The following IGF1R variants were observed in gnomAD, a reference collection of about 807,000 sequenced individuals.
IGF1R encodes the protein insulin-like growth factor 1 receptor.
A neutral mutation model predicts 144.6 loss-of-function variants in IGF1R; 44 were observed. The ratio of observed to expected loss-of-function variants is 0.30; its 90% CI spans 0.24 to 0.39. IGF1R has a LOEUF of 0.39. IGF1R is among the 10% of genes least tolerant of loss of function. The pLI is 1.00. For missense variants in IGF1R, 1,355 were observed against 1,833.7 expected, an observed-to-expected ratio of 0.74 and a Z score of 4.77; for synonymous variants, 795 against 722.8, an observed-to-expected ratio of 1.10 and a Z score of -1.60.
chr15:98,743,619 ACATGGGGCCC>A (rs950613027), intron 2 of IGF1R, among the ~76,000 whole-genome samples: 41 of 152,356 alleles, frequency 2.7e-4, no homozygotes, highest in African/African-American at 9.4e-4. Context: ...GAGGCGGGCC[ACATGGGGCCC>A]CAGAAGCCAT....
At chr15:98,759,995 G>A (rs2055252506) in intron 2 of IGF1R, among the ~76,000 whole-genome samples, 1 of 152,146 alleles carries the variant, frequency 6.6e-6, no homozygotes, top group African/African-American at 2.4e-5. Context: ...CTTGGTTATT[G>A]TGTGAGAACA....
chr15:98,675,491 G>A (rs1483164809), intron 1 of IGF1R, among the ~76,000 whole-genome samples: 1 of 152,168 alleles, frequency 6.6e-6, no homozygotes, highest in Non-Finnish European at 1.5e-5. Flanking sequence ...CAGAAGCAGT[G>A]TCTGTCATCC....
chr15:98,811,850 C>G (rs558958347), intron 2 of IGF1R, among the ~76,000 whole-genome samples: 2 of 152,138 alleles, frequency 1.3e-5, no homozygotes, highest in African/African-American at 4.8e-5. Context: ...GGCATGAGCC[C>G]GGGAGGCGGA....
At chr15:98,809,189 C>T (rs142070062) in intron 2 of IGF1R, among the ~76,000 whole-genome samples, 4 of 152,218 alleles carry the variant, frequency 2.6e-5, no homozygotes, top group African/African-American at 9.6e-5. Context: ...CTGACTCTTT[C>T]CTGCATGTAC....
intron 5 of IGF1R, among the ~76,000 whole-genome samples, chr15:98,902,140 T>C (rs992749207): frequency 2.0e-5 from 3 of 151,772 alleles, no homozygotes; most frequent in African/African-American, 4.8e-5. Flanking sequence ...AGGGGTGGAG[T>C]TGAGAAATCC....
At chr15:98,872,694 C>T (rs1448837805) in intron 2 of IGF1R, among the ~76,000 whole-genome samples, 1 of 152,170 alleles carries the variant, frequency 6.6e-6, no homozygotes, top group Admixed American at 6.5e-5. Flanking sequence ...CAATAAATGA[C>T]AAAGCTGGGA....
At chr15:98,807,609 C>G (rs944263505) in intron 2 of IGF1R, among the ~76,000 whole-genome samples, 2 of 152,232 alleles carry the variant, frequency 1.3e-5, no homozygotes, top group African/African-American at 4.8e-5. Context: ...ACTCATGCCT[C>G]TGTTTCACTC....
chr15:98,875,063 A>G (rs747864120), intron 2 of IGF1R, among the ~76,000 whole-genome samples: 121 of 152,256 alleles, frequency 7.9e-4, no homozygotes, highest in Non-Finnish European at 1.5e-3. Context: ...ATCCTCAGGG[A>G]TGTTGCACAC....
chr15:98,687,601 G>A lies in IGF1R; in HGVS notation c.95-19961G>A, dbSNP rs147755618. On this transcript the variant is annotated intron_variant, in intron 1 of 20. Transcript: ENST00000650285. ...GTCAGGTTTGTGGTTTGGAAAGTCC[G>A]CCTTGGTAGTAGGGTGGAGGGTGCA... 8.0e-3 allele frequency among the ~76,000 whole-genome samples: 1,218 copies of A among 152,224 alleles called. 18 individuals are homozygous for A. The highest frequency in any genetic ancestry group is 0.01 in the Non-Finnish European group (692 of 68,014).
At position 98,900,207 on chromosome 15, in the gene IGF1R, C is replaced by T. The variant is rs537446238; in HGVS notation, c.1247+586C>T. Among the ~76,000 whole-genome samples, 469 of 152,304 alleles carry T rather than the reference C, an allele frequency of 3.1e-3. 2 individuals carry two copies. The highest frequency in any genetic ancestry group is 5.1e-3 in the Non-Finnish European group (348 of 68,034). ...TTTGTGATAGGGGTTTTAAAATAAC[C>T]GTGGGCTTTTCACTGGAGGATAAAA... On this transcript the variant is annotated intron_variant, in intron 5 of 20. Transcript: ENST00000650285.
At chr15:98,836,114 G>A (rs2057095144) in intron 2 of IGF1R, among the ~76,000 whole-genome samples, 1 of 152,120 alleles carries the variant, frequency 6.6e-6, no homozygotes, top group Non-Finnish European at 1.5e-5. Flanking sequence ...AATCCGCAGA[G>A]CTAGAGCCCA....
At chr15:98,731,633 T>C (rs1304601019) in intron 2 of IGF1R, among the ~76,000 whole-genome samples, 1 of 152,226 alleles carries the variant, frequency 6.6e-6, no homozygotes, top group Non-Finnish European at 1.5e-5. Flanking sequence ...CCCATTTCCC[T>C]GAATGTCGTG....
chr15:98,696,944 G>C (rs534091525), intron 1 of IGF1R, among the ~76,000 whole-genome samples: 48 of 152,222 alleles, frequency 3.2e-4, no homozygotes, highest in Admixed American at 1.3e-3. Flanking sequence ...ATGCCTCAGT[G>C]AAGAAGTCAG....
intron 8 of IGF1R, 70 bp downstream of exon 8, chr15:98,913,352 G>A (rs2015107663): frequency 3.3e-6 from 4 of 1,215,384 alleles, no homozygotes; most frequent in Non-Finnish European, 4.9e-6. Context: ...CTTGTACCAG[G>A]TGTCATTGTA....
intron 2 of IGF1R, among the ~76,000 whole-genome samples, chr15:98,843,390 G>A (rs546988085): frequency 6.6e-6 from 1 of 152,276 alleles, no homozygotes; most frequent in East Asian, 1.9e-4. Context: ...TACTGAGGAA[G>A]CCTCAGAGAT....
chr15:98,717,335 A>ATT (rs11454053), intron 2 of IGF1R, among the ~76,000 whole-genome samples: 1,590 of 150,388 alleles, frequency 0.011, 13 homozygotes, highest in African/African-American at 0.017. Flanking sequence ...AGCTGCTGCT[A>ATT]TTTTTTTTTT....
chr15:98,956,702 G>A (rs1034583749), intron 20 of IGF1R, among the ~76,000 whole-genome samples: 145 of 152,326 alleles, frequency 9.5e-4, no homozygotes, highest in African/African-American at 3.3e-3. Context: ...TGCATGAGAC[G>A]CCTCAGATAG....
chr15:98,788,696 G>T lies in IGF1R; in HGVS notation c.640+80589G>T, dbSNP rs116332194. Among the ~76,000 whole-genome samples the T allele has an allele frequency of 3.8e-3, 584 of 152,322 alleles. 2 individuals carry two copies. Among genetic ancestry groups the T allele is most frequent in the African/African-American group, 0.014 (562 of 41,578 alleles). Reference sequence around the variant, plus strand: ...CGCCCTGCTGAGGTCTGACAGCTCTGGGAGGCCAGTGAGGCCTGTCCTAAT... The same window carrying T: ...CGCCCTGCTGAGGTCTGACAGCTCTTGGAGGCCAGTGAGGCCTGTCCTAAT... On this transcript the variant is annotated intron_variant, in intron 2 of 20. Coordinates refer to ENST00000650285, the MANE Select transcript of IGF1R (RefSeq NM_000875.5).
Position 98,939,226 on chromosome 15 carries a change from G to T in IGF1R, c.3323G>T (p.Ser1108Ile). The change falls in exon 18 of 21, where the codon AGC becomes ATC. Residue 1108 changes from serine (S) to isoleucine (I), a missense_variant. Around this residue, in one of 7 missense-constraint regions of IGF1R, gnomAD observed 45 missense variants for 43.5 expected, o/e 1.03. Coordinates refer to ENST00000650285, the MANE Select transcript of IGF1R (RefSeq NM_000875.5). ...MENNPVLAPP[S>I]LSKMIQMAGE... ...AATAATCCAGTCCTAGCACCTCCAAGCCTGAGCAAGATGATTCAGATGGCC... is the reference window on the plus strand; with the variant it reads ...AATAATCCAGTCCTAGCACCTCCAATCCTGAGCAAGATGATTCAGATGGCC... The T allele has an allele frequency of 6.2e-7, 1 of 1,614,048 alleles. No individual in the cohort carries two copies.
Sources: allele counts gnomAD v4.1 joint callset (sites outside exome capture counted in the v4.1 genomes callset), GRCh38; gene constraint gnomAD v4.1.1; regional missense constraint gnomAD v4.1.1; transcripts MANE v1.5; gene names NCBI Gene and HGNC (gene_info 2026-07-23, HGNC 2026-07-21).